CLVS1: variants seen among roughly 807,000 people sequenced by gnomAD.
The protein encoded by CLVS1 is clavesin-1.
Under a neutral mutation model 33.1 loss-of-function variants are expected in CLVS1, and 10 were observed. The observed-to-expected ratio is 0.30, with a 90% CI of 0.19 to 0.51. CLVS1 has a LOEUF of 0.51. Ranked by LOEUF, CLVS1 falls within the 20% of genes least tolerant of loss-of-function variation. CLVS1 has a pLI of 0.97. For missense variants in CLVS1, 343 were observed against 433.4 expected, an observed-to-expected ratio of 0.79 and a Z score of 1.85; for synonymous variants, 163 against 166.1, an observed-to-expected ratio of 0.98 and a Z score of 0.14.
chr8:61,469,377 G>A (rs1369359374), intron 5 of CLVS1, among the ~76,000 whole-genome samples: 2 of 152,102 alleles, frequency 1.3e-5, no homozygotes, highest in Admixed American at 6.5e-5. Flanking sequence ...CCTAGATCCC[G>A]CATGGAAGAA....
At chr8:61,322,742 G>T (rs144216930) in intron 2 of CLVS1, among the ~76,000 whole-genome samples, 1 of 152,062 alleles carries the variant, frequency 6.6e-6, no homozygotes, top group African/African-American at 2.4e-5. Context: ...GCTCTTTTTG[G>T]AAGCAGTACT....
Position 61,287,975 on chromosome 8 carries a change from C to T in CLVS1, c.-315C>T, listed in dbSNP as rs1216099665. 1 of 392,442 alleles carries T rather than the reference C, an allele frequency of 2.5e-6. No individual in the cohort carries two copies. The highest frequency in any genetic ancestry group is 5.1e-6 in the Non-Finnish European group (1 of 196,188). 24.3% of individuals were successfully genotyped at this position (392,442 alleles called of 1,614,324 possible). On this transcript the variant is annotated 5_prime_UTR_variant, in exon 1 of 6. Transcript: ENST00000325897. Reference sequence around the variant, plus strand: ...ACAGAGAATCGGGCGCACACGCCTCCTACCAAAATCACAGCCCCTTGTGGA... The same window carrying T: ...ACAGAGAATCGGGCGCACACGCCTCTTACCAAAATCACAGCCCCTTGTGGA...
At chr8:61,054,048 C>T (rs1430656645), upstream of CLVS1, among the ~76,000 whole-genome samples, 1 of 152,208 alleles carries the variant, frequency 6.6e-6, no homozygotes, top group Admixed American at 6.5e-5. Flanking sequence ...TCCAAAATGT[C>T]CTAGCCAATT....
At chr8:61,132,755 G>A (rs1806124299) in intron 2 of CLVS1, among the ~76,000 whole-genome samples, 1 of 152,204 alleles carries the variant, frequency 6.6e-6, no homozygotes, top group African/African-American at 2.4e-5. Context: ...GAGTGATGAA[G>A]TGGGGGAAGT....
At chr8:61,418,225 C>G (rs1322758300) in intron 3 of CLVS1, among the ~76,000 whole-genome samples, 1 of 152,088 alleles carries the variant, frequency 6.6e-6, no homozygotes. Flanking sequence ...ATATTAGAGT[C>G]AGGCATGTTG....
At chr8:61,102,131 A>G (rs796287307) in intron 1 of CLVS1, among the ~76,000 whole-genome samples, 16 of 152,302 alleles carry the variant, frequency 1.1e-4, no homozygotes, top group African/African-American at 3.8e-4. Flanking sequence ...TTCTTTAAAG[A>G]AGCCAGATGG....
intron 3 of CLVS1, among the ~76,000 whole-genome samples, chr8:61,422,809 G>A (rs1815729138): frequency 6.6e-6 from 1 of 152,168 alleles, no homozygotes. Context: ...TTGTGCTCTG[G>A]AAGACTAACC....
the CLVS1 span, among the ~76,000 whole-genome samples, chr8:61,007,647 G>A: frequency 1.3e-5 from 2 of 152,148 alleles, no homozygotes; most frequent in African/African-American, 4.8e-5. Context: ...CATCTCCTGA[G>A]AACGCAAGCA....
chr8:60,966,307 C>T, the CLVS1 span: 2 of 452,300 alleles, frequency 4.4e-6, no homozygotes, highest in Admixed American at 4.8e-5. Context: ...TGAAGGGATC[C>T]TCAAGCAGCA....
At chr8:61,288,314 G>A in intron 1 of CLVS1, 176 bp downstream of exon 1, 1 of 454,648 alleles carries the variant, frequency 2.2e-6, no homozygotes, top group Non-Finnish European at 4.4e-6. Context: ...CGCCTCCGCG[G>A]TCCATCCTCC....
In CLVS1 at chr8:61,416,301, GCTAGATACATACATACATACATAC is replaced by G. The variant is rs1288731304; in HGVS notation, c.631-37839_631-37816del. 1.3e-4 allele frequency among the ~76,000 whole-genome samples: 18 copies of G among 137,210 alleles called. No homozygotes were observed. The South Asian group carries it at 2.1e-3, about 16-fold the overall frequency. The allele number at this position is 137,210 out of a possible 152,430, so 90.0% of individuals were successfully genotyped here. A position where few individuals can be genotyped will look rare whatever the true frequency, so the allele number is the denominator to read the frequency against. On this transcript the variant is annotated intron_variant, in intron 3 of 5. Transcript: ENST00000325897. ...AACAAGATAGCTAGCTAGCTAGCTA[GCTAGATACATACATACATACATAC>G]ATACATACATACATACATACATACA...
chr8:61,061,208 C>A (rs1804577602), intron 1 of CLVS1, among the ~76,000 whole-genome samples: 1 of 152,140 alleles, frequency 6.6e-6, no homozygotes, highest in South Asian at 2.1e-4. Flanking sequence ...CAGTTCCCGA[C>A]TTTTACACAA....
chr8:61,381,122 T>C (rs1021959830), intron 3 of CLVS1, among the ~76,000 whole-genome samples: 2 of 152,088 alleles, frequency 1.3e-5, no homozygotes, highest in Non-Finnish European at 2.9e-5. Flanking sequence ...ACTTGGTGCG[T>C]TCCTTAACTC....
intron 2 of CLVS1, among the ~76,000 whole-genome samples, chr8:61,157,835 T>C (rs1049739610): frequency 2.6e-5 from 4 of 152,186 alleles, no homozygotes; most frequent in East Asian, 3.9e-4. Flanking sequence ...CATAATGAGA[T>C]GCAACTACAC....
chr8:61,472,047 T>A (rs1401394529), intron 5 of CLVS1, among the ~76,000 whole-genome samples: 2 of 152,186 alleles, frequency 1.3e-5, no homozygotes, highest in Non-Finnish European at 2.9e-5. Flanking sequence ...CTTGCTCAAG[T>A]CAGCTCCTCA....
intron 2 of CLVS1, among the ~76,000 whole-genome samples, chr8:61,365,614 G>T (rs1813171161): frequency 6.6e-6 from 1 of 152,148 alleles, no homozygotes; most frequent in African/African-American, 2.4e-5. Context: ...CTCATGTCGG[G>T]GAGATTTTGC....
chr8:61,371,990 C>T (rs1214058002), intron 2 of CLVS1, among the ~76,000 whole-genome samples: 1 of 152,158 alleles, frequency 6.6e-6, no homozygotes, highest in East Asian at 1.9e-4. Context: ...TTCACATAGT[C>T]CTCTCACATA....
At chr8:61,257,442 C>G (rs1324728595) in intron 2 of CLVS1, among the ~76,000 whole-genome samples, 1 of 152,178 alleles carries the variant, frequency 6.6e-6, no homozygotes, top group African/African-American at 2.4e-5. Flanking sequence ...TTCAAGCATA[C>G]TTGAAAAGGC....
chr8:61,214,298 C>T (rs1425772675), intron 2 of CLVS1, among the ~76,000 whole-genome samples: 1 of 152,176 alleles, frequency 6.6e-6, no homozygotes, highest in Non-Finnish European at 1.5e-5. Flanking sequence ...CACTCCCTCC[C>T]CTTTTGAAAG....
Sources: allele counts gnomAD v4.1 joint callset (sites outside exome capture counted in the v4.1 genomes callset), GRCh38; gene constraint gnomAD v4.1.1; transcripts MANE v1.5; gene names NCBI Gene and HGNC (gene_info 2026-07-23, HGNC 2026-07-21).